TPO: variants seen among roughly 807,000 people sequenced by gnomAD.
TPO encodes thyroid microsomal antigen.
TPO carries 78 observed loss-of-function variants against 96.9 expected under a neutral mutation model. The ratio of observed to expected loss-of-function variants is 0.81; its 90% CI spans 0.67 to 0.97. TPO has a LOEUF of 0.97. TPO is among the 50% of genes least tolerant of loss of function. The pLI, the probability that TPO is intolerant of heterozygous loss-of-function variation, is 0.00. For synonymous variants in TPO, 547 were observed against 538.0 expected (o/e 1.02, Z -0.23); for missense variants, 1,252 against 1,274.8 (o/e 0.98, Z 0.27).
At chr2:1,537,666 C>CCCAGATCCCCCCCAATGTGT (rs1680130736) in intron 15 of TPO, among the ~76,000 whole-genome samples, 1 of 136,940 alleles carries the variant, frequency 7.3e-6, no homozygotes, top group African/African-American at 2.8e-5. Context: ...GTGCAACCTC[C>CCCAGATCCCCCCCAATGTGT]GCAAATCCCC....
At chr2:1,388,211 G>A (rs1002367017) in intron 1 of TPO, among the ~76,000 whole-genome samples, 2 of 152,182 alleles carry the variant, frequency 1.3e-5, no homozygotes, top group Admixed American at 6.5e-5. Flanking sequence ...ACTCCATGCT[G>A]GGAGAACCAT....
chr2:1,392,612 C>T (rs560934309), intron 1 of TPO, among the ~76,000 whole-genome samples: 7 of 152,100 alleles, frequency 4.6e-5, no homozygotes, highest in African/African-American at 7.2e-5. Context: ...CGGTAGAATT[C>T]GGCTGTGAAT....
In TPO at chr2:1,482,596, G is replaced by A. The variant is rs137950789; in HGVS notation, c.1339-2000G>A. On this transcript the variant is annotated intron_variant, in intron 8 of 16. Coordinates refer to ENST00000329066, the MANE Select transcript of TPO (RefSeq NM_001206744.2). Reference sequence around the variant, plus strand: ...TTCAGAGTAACCATTTCCCCCATGCGACCAGGTAAAGAAATACCAGAAGCA... The same window carrying A: ...TTCAGAGTAACCATTTCCCCCATGCAACCAGGTAAAGAAATACCAGAAGCA... Among the ~76,000 whole-genome samples the A allele has an allele frequency of 1.1e-3, 170 of 152,304 alleles. 1 individual carries two copies. Among genetic ancestry groups the A allele is most frequent in the African/African-American group, 3.8e-3 (160 of 41,568 alleles).
At chr2:1,506,707 C>T (rs1673504983) in intron 14 of TPO, among the ~76,000 whole-genome samples, 1 of 152,170 alleles carries the variant, frequency 6.6e-6, no homozygotes, top group Admixed American at 6.5e-5. Flanking sequence ...TGTTCATATC[C>T]TTCACCCGCT....
In TPO at chr2:1,477,513, G is replaced by C; in HGVS notation, c.1247G>C (p.Arg416Pro). The C allele has an allele frequency of 6.5e-7, 1 of 1,532,232 alleles. No homozygotes were observed. Among genetic ancestry groups the C allele is most frequent in the Non-Finnish European group, 8.7e-7 (1 of 1,144,740 alleles). The allele number at this position is 1,532,232 out of a possible 1,614,324, so 94.9% of individuals were successfully genotyped here. A position where few individuals can be genotyped will look rare whatever the true frequency, so the allele number is the denominator to read the frequency against. ...LHTLWLREHN[R>P]LAAALKALNA... The stretch of plus-strand genomic sequence containing the variant: ...ACGCTGTGGCTGCGCGAGCACAACC[G>C]CCTGGCCGCGGCGCTCAAGGCCCTC... Residue 416 changes from arginine (R) to proline (P), a missense_variant, in exon 8 of 17, where the codon CGC becomes CCC. Transcript: ENST00000329066.
chr2:1,502,750 T>A (rs965878071), intron 13 of TPO, among the ~76,000 whole-genome samples: 1 of 152,238 alleles, frequency 6.6e-6, no homozygotes, highest in Non-Finnish European at 1.5e-5. Flanking sequence ...GACCGTACTG[T>A]TTAGAAAGCC....
At chr2:1,440,027 A>T (rs1185980851) in intron 5 of TPO, among the ~76,000 whole-genome samples, 2 of 152,124 alleles carry the variant, frequency 1.3e-5, no homozygotes, top group African/African-American at 2.4e-5. Flanking sequence ...CTCAGTCACC[A>T]GCACCTGGTT....
At chr2:1,388,479 G>A (rs1000861268) in intron 1 of TPO, among the ~76,000 whole-genome samples, 7 of 152,210 alleles carry the variant, frequency 4.6e-5, no homozygotes, top group Non-Finnish European at 7.3e-5. Context: ...AGCAGTGAGC[G>A]AGGCTCTGTG....
At chr2:1,540,476 G>C in intron 15 of TPO, 118 bp from the exon 16 acceptor site, 1 of 1,594,646 alleles carries the variant, frequency 6.3e-7, no homozygotes, top group Non-Finnish European at 8.5e-7. Flanking sequence ...AAAGTGGGTT[G>C]GAGTGTTCCT....
chr2:1,435,109 A>AT (rs1401222890), intron 4 of TPO, among the ~76,000 whole-genome samples: 3 of 151,978 alleles, frequency 2.0e-5, no homozygotes, highest in Non-Finnish European at 2.9e-5. Context: ...AATTTTTTGT[A>AT]TTTTTAGTAG....
At chr2:1,539,647 C>T (rs1433516849) in intron 15 of TPO, among the ~76,000 whole-genome samples, 2 of 152,254 alleles carry the variant, frequency 1.3e-5, no homozygotes, top group Non-Finnish European at 2.9e-5. Context: ...GCGGGGACTG[C>T]GCTCCCCAGG....
rs1330070832 is a variant in TPO, at chr2:1,487,830, A to G, written c.1607A>G (p.Asp536Gly). The G allele has an allele frequency of 6.2e-7, 1 of 1,614,050 alleles. No individual in the cohort carries two copies. The highest frequency in any genetic ancestry group is 8.5e-7 in the Non-Finnish European group (1 of 1,180,052). Residue 536 changes from aspartate (D) to glycine (G), a missense_variant, in exon 10 of 17, where the codon GAC becomes GGC. By Grantham distance (94) the Asp-to-Gly change is moderately conservative. Transcript: ENST00000329066. ...PWTLLRGGGL[D>G]PLIRGLLARP... Reference sequence around the variant, plus strand: ...GCATGGTATTTTCCAGGTGGTTTGGACCCACTAATACGAGGCCTTCTTGCA... The same window carrying G: ...GCATGGTATTTTCCAGGTGGTTTGGGCCCACTAATACGAGGCCTTCTTGCA...
At chr2:1,521,148 A>G (rs1675214661) in intron 15 of TPO, among the ~76,000 whole-genome samples, 1 of 152,160 alleles carries the variant, frequency 6.6e-6, no homozygotes, top group African/African-American at 2.4e-5. Context: ...ATGCATTATA[A>G]ATTCAAGAAA....
chr2:1,449,963 G>T (rs917983582), intron 5 of TPO, among the ~76,000 whole-genome samples: 8 of 152,184 alleles, frequency 5.3e-5, no homozygotes, highest in African/African-American at 1.9e-4. Flanking sequence ...AAAAATCACC[G>T]CTGAGTTTCC....
intron 14 of TPO, among the ~76,000 whole-genome samples, chr2:1,516,110 G>A (rs1674675272): frequency 6.6e-6 from 1 of 151,998 alleles, no homozygotes; most frequent in Non-Finnish European, 1.5e-5. Flanking sequence ...TGGAGCCCAG[G>A]AGCCGTTACT....
At chr2:1,480,663 A>T (rs1670475322) in intron 8 of TPO, among the ~76,000 whole-genome samples, 1 of 92,616 alleles carries the variant, frequency 1.1e-5, no homozygotes, top group Non-Finnish European at 2.4e-5. Context: ...AGGTCATCTC[A>T]GAGCCGGGAG....
chr2:1,536,891 CCTCCCCAAATCCCAACTGTTTGCAA>C (rs1679797716), intron 15 of TPO, among the ~76,000 whole-genome samples: 1 of 136,054 alleles, frequency 7.4e-6, no homozygotes, highest in African/African-American at 3.0e-5. Flanking sequence ...CTCTGTGCAA[CCTCCCCAAATCCCAACTGTTTGCAA>C]CCTCCCAAAT....
chr2:1,527,658 A>T (rs1398485779), intron 15 of TPO, among the ~76,000 whole-genome samples: 1 of 61,558 alleles, frequency 1.6e-5, no homozygotes. Context: ...TCCCCCCCCA[A>T]TCTGTGCAAC....
chr2:1,482,367 T>C (rs1670732146), intron 8 of TPO, among the ~76,000 whole-genome samples: 1 of 152,148 alleles, frequency 6.6e-6, no homozygotes, highest in African/African-American at 2.4e-5. Flanking sequence ...ACCTGGTGGC[T>C]TTGGCAGAGG....
Sources: gnomAD v4.1 joint callset for allele counts (sites outside exome capture counted in the v4.1 genomes callset) on GRCh38, gnomAD v4.1.1 for gene constraint, MANE v1.5 for transcripts, NCBI Gene and HGNC (gene_info 2026-07-23, HGNC 2026-07-21) for gene names.